ABCB1: variants seen among roughly 807,000 people sequenced by gnomAD.
The protein encoded by ABCB1 is ATP binding cassette subfamily B member 1, also known as ATP-dependent translocase ABCB1.
A neutral mutation model predicts 142.0 loss-of-function variants in ABCB1; 69 were observed. The observed-to-expected ratio is 0.49, with a 90% CI of 0.40 to 0.59. The LOEUF (loss-of-function observed/expected upper bound fraction) is 0.59. Among genes scored for constraint, ABCB1 ranks in the 20% least tolerant of loss-of-function variants. The pLI is 0.00. For synonymous variants in ABCB1, 532 were observed against 539.2 expected, an observed-to-expected ratio of 0.99 and a Z score of 0.18; for missense variants, 1,326 against 1,554.7, an observed-to-expected ratio of 0.85 and a Z score of 2.47.
intron 1 of ABCB1, among the ~76,000 whole-genome samples, chr7:87,649,200 G>A (rs913275391): frequency 1.3e-5 from 2 of 152,092 alleles, no homozygotes; most frequent in African/African-American, 4.8e-5. Context: ...GATTTTGATA[G>A]TGGTTATATG....
chr7:87,649,023 C>G (rs1459230560), intron 1 of ABCB1, among the ~76,000 whole-genome samples: 1 of 151,938 alleles, frequency 6.6e-6, no homozygotes, highest in Non-Finnish European at 1.5e-5. Flanking sequence ...TTAAAAAAAG[C>G]TTGTACTCTT....
intron 1 of ABCB1, among the ~76,000 whole-genome samples, chr7:87,642,563 G>A (rs1225896469): frequency 6.6e-6 from 1 of 151,862 alleles, no homozygotes; most frequent in African/African-American, 2.4e-5. Flanking sequence ...AAGTTTTCTT[G>A]GTTTGATGGC....
At chr7:87,508,001 G>C (rs28401810) in intron 26 of ABCB1, among the ~76,000 whole-genome samples, 9 of 150,692 alleles carry the variant, frequency 6.0e-5, no homozygotes, top group Admixed American at 1.3e-4. Context: ...GGGAAGGGGG[G>C]TAAGTGTTGA....
chr7:87,560,772 A>C (rs1371401313), intron 8 of ABCB1, among the ~76,000 whole-genome samples: 1 of 152,212 alleles, frequency 6.6e-6, no homozygotes, highest in Non-Finnish European at 1.5e-5. Context: ...AAAAGGGAAC[A>C]GTTGTAAGCA....
chr7:87,518,179 T>C (rs1391542340), intron 23 of ABCB1, among the ~76,000 whole-genome samples: 1 of 152,224 alleles, frequency 6.6e-6, no homozygotes, highest in Non-Finnish European at 1.5e-5. Context: ...TCATTAGTTT[T>C]TGTTTGTTTG....
At chr7:87,530,956 A>C (rs1816030277) in intron 21 of ABCB1, among the ~76,000 whole-genome samples, 1 of 151,868 alleles carries the variant, frequency 6.6e-6, no homozygotes, top group Non-Finnish European at 1.5e-5. Context: ...GAAGGAAAGA[A>C]GGAAGGAAGG....
At chr7:87,608,365 T>C (rs1260632279) in intron 1 of ABCB1, among the ~76,000 whole-genome samples, 2 of 152,238 alleles carry the variant, frequency 1.3e-5, no homozygotes, top group East Asian at 1.9e-4. Flanking sequence ...GACTAGTAAG[T>C]GATTTGCTTG....
At chr7:87,504,541 G>C in intron 27 of ABCB1, 92 bp from the exon 28 acceptor site, 3 of 1,522,810 alleles carry the variant, frequency 2.0e-6, no homozygotes, top group South Asian at 2.4e-5. Flanking sequence ...GGGCATGGTG[G>C]CTCACGCCTG....
chr7:87,522,985 A>C (rs1031613424), intron 21 of ABCB1, among the ~76,000 whole-genome samples: 1 of 152,218 alleles, frequency 6.6e-6, no homozygotes, highest in African/African-American at 2.4e-5. Flanking sequence ...CCAGGTTTTC[A>C]ATTCCTTTTT....
At chr7:87,703,840 G>A (rs1829301581) in intron 1 of ABCB1, among the ~76,000 whole-genome samples, 2 of 93,972 alleles carry the variant, frequency 2.1e-5, no homozygotes, top group African/African-American at 8.1e-5. Flanking sequence ...AAAATATGCA[G>A]TGTGAATTCC....
chr7:87,654,118 G>A (rs563393126), intron 1 of ABCB1, among the ~76,000 whole-genome samples: 1 of 151,984 alleles, frequency 6.6e-6, no homozygotes, highest in South Asian at 2.1e-4. Context: ...TTCATAGATT[G>A]AAAAATTAAT....
chr7:87,582,876 G>A (rs1451155580), intron 4 of ABCB1, among the ~76,000 whole-genome samples: 1 of 152,086 alleles, frequency 6.6e-6, no homozygotes, highest in Non-Finnish European at 1.5e-5. Context: ...TGTACAAAAA[G>A]AGGCAGCAGG....
intron 21 of ABCB1, chr7:87,521,194 G>A (rs1216826947): frequency 5.1e-6 from 2 of 391,472 alleles, no homozygotes; most frequent in Non-Finnish European, 9.4e-6. Flanking sequence ...TTCTATTGCA[G>A]TGCTCTTTCT....
At chr7:87,600,268 C>G (rs993580155) in intron 1 of ABCB1, 78 bp from the exon 2 acceptor site, 12 of 1,227,380 alleles carry the variant, frequency 9.8e-6, no homozygotes, top group African/African-American at 4.5e-5. Context: ...TCTAGTCCCC[C>G]GTCGAAGCCA....
At chr7:87,548,568 T>C (rs1167863982) in intron 14 of ABCB1, among the ~76,000 whole-genome samples, 1 of 152,170 alleles carries the variant, frequency 6.6e-6, no homozygotes, top group African/African-American at 2.4e-5. Context: ...TGTTGTTTTA[T>C]TAGAGACAGG....
chr7:87,667,295 G>A (rs184730707), intron 1 of ABCB1, among the ~76,000 whole-genome samples: 192 of 152,044 alleles, frequency 1.3e-3, no homozygotes, highest in African/African-American at 4.2e-3. Flanking sequence ...TTTGGCTGTT[G>A]TTGGTGTATA....
At chr7:87,570,307 TTCA>T in intron 4 of ABCB1, 84 bp from the exon 5 acceptor site, 1 of 1,282,934 alleles carries the variant, frequency 7.8e-7, no homozygotes, top group Non-Finnish European at 1.1e-6. Context: ...TCAAACTCAT[TTCA>T]TTTAATGATT....
At chr7:87,526,787 A>C (rs908577274) in intron 21 of ABCB1, among the ~76,000 whole-genome samples, 4 of 152,198 alleles carry the variant, frequency 2.6e-5, no homozygotes, top group Admixed American at 2.0e-4. Context: ...TTGTTGTACA[A>C]CCAAAATACT....
At chr7:87,554,067 C>A in intron 8 of ABCB1, 135 bp from the exon 9 acceptor site, 2 of 780,090 alleles carry the variant, frequency 2.6e-6, no homozygotes. Flanking sequence ...CATACATTGA[C>A]CCTATATAGT....
Sources: allele counts gnomAD v4.1 joint callset (sites outside exome capture counted in the v4.1 genomes callset), GRCh38; gene constraint gnomAD v4.1.1; transcripts MANE v1.5; gene names NCBI Gene and HGNC (gene_info 2026-07-23, HGNC 2026-07-21).